Variants in MB21D2 observed in about 807,000 individuals in gnomAD.
The protein encoded by MB21D2 is nucleotidyltransferase MB21D2.
A neutral mutation model predicts 33.3 loss-of-function variants in MB21D2; 9 were observed. That is an observed-to-expected ratio of 0.27 (90% CI 0.16 to 0.47). The LOEUF is 0.47. MB21D2 is among the 20% of genes least tolerant of loss of function. MB21D2 has a pLI of 0.99. For synonymous variants in MB21D2, 241 were observed against 236.3 expected (o/e 1.02, Z -0.18); for missense variants, 540 against 624.6 (o/e 0.86, Z 1.44).
chr3:192,838,618 T>C (rs148170532), intron 1 of MB21D2, among the ~76,000 whole-genome samples: 3,692 of 152,036 alleles, frequency 0.024, 84 homozygotes, highest in African/African-American at 0.046. Context: ...TTAATAGAGA[T>C]GGGGTTTCAC....
At chr3:192,876,544 G>C (rs1361015940) in intron 1 of MB21D2, among the ~76,000 whole-genome samples, 1 of 152,104 alleles carries the variant, frequency 6.6e-6, no homozygotes, top group Non-Finnish European at 1.5e-5. Context: ...ACAGTGGTTG[G>C]TCTTCCAAAA....
chr3:192,804,262 C>A (rs897216842), intron 1 of MB21D2, among the ~76,000 whole-genome samples: 2 of 152,068 alleles, frequency 1.3e-5, no homozygotes, highest in Non-Finnish European at 2.9e-5. Flanking sequence ...CTTCATCATG[C>A]AAACATATAA....
At chr3:192,884,703 A>G (rs765855807) in intron 1 of MB21D2, among the ~76,000 whole-genome samples, 7 of 152,022 alleles carry the variant, frequency 4.6e-5, no homozygotes, top group Non-Finnish European at 1.0e-4. Flanking sequence ...ATCAAAGTCA[A>G]ACAGAAAATC....
intron 1 of MB21D2, among the ~76,000 whole-genome samples, chr3:192,832,596 C>T (rs1712340764): frequency 6.6e-6 from 1 of 152,178 alleles, no homozygotes; most frequent in South Asian, 2.1e-4. Flanking sequence ...TTGAGACCAG[C>T]CTGGCCAACA....
chr3:192,799,225 C>T lies in MB21D2; in HGVS notation c.637G>A (p.Val213Met), dbSNP rs774969398. Residue 213 changes from valine to methionine, a missense_variant, in exon 2 of 2, where the codon GTG becomes ATG. Physicochemically the swap from Val to Met is conservative, Grantham distance 21 (BLOSUM62 1). Coordinates refer to ENST00000392452, the MANE Select transcript of MB21D2 (RefSeq NM_178496.4). This position sits in a 1 kb window ranked among gnomAD's most constrained non-coding sequence, Gnocchi z 4.1. ...PQRGMPKVEK[V>M]EKNGTIISII... ...GAGATGATGGTCCCATTTTTTTCCA[C>T]CTTTTCTACCTTTGGCATCCCTCGC... is the stretch of plus-strand genomic sequence containing the variant. 65 of 1,614,062 alleles carry T rather than the reference C, an allele frequency of 4.0e-5. No individual in the cohort carries two copies. The highest frequency in any genetic ancestry group is 5.3e-5 in the Non-Finnish European group (63 of 1,180,032).
At chr3:192,891,694 C>A (rs1386514131) in intron 1 of MB21D2, among the ~76,000 whole-genome samples, 1 of 152,084 alleles carries the variant, frequency 6.6e-6, no homozygotes, top group Non-Finnish European at 1.5e-5. Flanking sequence ...TTAAATGGGT[C>A]TTCCACACCA....
rs193074130 is a variant in MB21D2 at position 192,856,362 on chromosome 3, T to G, written c.212-56712A>C. Among the ~76,000 whole-genome samples, 78 of 152,282 alleles carry G rather than the reference T, an allele frequency of 5.1e-4. No individual in the cohort carries two copies. In the Middle Eastern group the frequency reaches 0.017, roughly 33 times the overall value. On this transcript the variant is annotated intron_variant, in intron 1 of 1. Transcript: ENST00000392452. ...TCACTTCACTACTCTAAATCTCAGTTTTCCCATGAGTTAAATGAGAATCAC... is the reference window on the plus strand; with the variant it reads ...TCACTTCACTACTCTAAATCTCAGTGTTCCCATGAGTTAAATGAGAATCAC...
chr3:192,849,305 G>A lies in MB21D2; in HGVS notation c.212-49655C>T, dbSNP rs566718185. 2.5e-4 allele frequency among the ~76,000 whole-genome samples: 24 copies of A among 96,544 alleles called. No homozygotes were observed. The South Asian group carries it at 6.0e-3, about 24-fold the overall frequency. The allele number at this position is 96,544 out of a possible 152,430, so 63.3% of individuals were successfully genotyped here. On this transcript the variant is annotated intron_variant, in intron 1 of 1. Coordinates refer to ENST00000392452, the MANE Select transcript of MB21D2 (RefSeq NM_178496.4). ...CCATCTTCAAGTGCAAGTTTTTCAC[G>A]TCTCTTTTTTTGGGGGGGGGGCGGG... is the stretch of plus-strand genomic sequence containing the variant.
At chr3:192,830,836 T>A (rs1370601760) in intron 1 of MB21D2, among the ~76,000 whole-genome samples, 6 of 152,210 alleles carry the variant, frequency 3.9e-5, no homozygotes, top group Non-Finnish European at 7.3e-5. Flanking sequence ...ATCCAGTGGA[T>A]CTGTAGGCAT....
At chr3:192,816,199 A>G (rs1295163168) in intron 1 of MB21D2, among the ~76,000 whole-genome samples, 2 of 146,250 alleles carry the variant, frequency 1.4e-5, no homozygotes, top group East Asian at 4.0e-4. Context: ...AGTGGCAAAA[A>G]GACGAGAGGA....
chr3:192,883,405 T>C (rs561181698), intron 1 of MB21D2, among the ~76,000 whole-genome samples: 44 of 152,202 alleles, frequency 2.9e-4, no homozygotes, highest in East Asian at 7.7e-4. Flanking sequence ...GTTTGTAGCA[T>C]AGCATGAGAG....
At chr3:192,874,644 C>T (rs1371502656) in intron 1 of MB21D2, among the ~76,000 whole-genome samples, 3 of 152,102 alleles carry the variant, frequency 2.0e-5, no homozygotes, top group Non-Finnish European at 4.4e-5. Context: ...CCTTCATATT[C>T]GCTTCCTCCC....
chr3:192,892,140 A>G (rs1178369274), intron 1 of MB21D2, among the ~76,000 whole-genome samples: 1 of 151,276 alleles, frequency 6.6e-6, no homozygotes, highest in Non-Finnish European at 1.5e-5. Context: ...TGGCACTGGC[A>G]GCTCCTTTGG....
intron 1 of MB21D2, among the ~76,000 whole-genome samples, chr3:192,832,492 A>C: frequency 6.6e-6 from 1 of 152,192 alleles, no homozygotes; most frequent in East Asian, 1.9e-4. Context: ...CATAATAAGG[A>C]TATGAAAGAG....
chr3:192,897,625 C>T (rs1050016699), intron 1 of MB21D2, among the ~76,000 whole-genome samples: 1 of 152,108 alleles, frequency 6.6e-6, no homozygotes, highest in Non-Finnish European at 1.5e-5. Flanking sequence ...GCATGTTGGT[C>T]AGATCAAACA....
rs1009372958 is a variant in MB21D2, at chr3:192,914,167, C to T, written c.211+3463G>A. Among the ~76,000 whole-genome samples the T allele has an allele frequency of 5.3e-5, 8 of 152,236 alleles. 1 individual carries two copies. The South Asian group carries it at 1.2e-3, about 24-fold the overall frequency. On this transcript the variant is annotated intron_variant, in intron 1 of 1. Transcript: ENST00000392452. The stretch of plus-strand genomic sequence containing the variant: ...AGGCTGACCTGAGTTTCAGTAGCAT[C>T]TCTACCATCTATTAGCTTTGTGACC...
intron 1 of MB21D2, among the ~76,000 whole-genome samples, chr3:192,866,951 G>A (rs1420840878): frequency 6.6e-6 from 1 of 152,158 alleles, no homozygotes; most frequent in African/African-American, 2.4e-5. Context: ...CTTCCTCCCA[G>A]AAGGGAGAAG....
At chr3:192,881,466 G>C (rs1251983532) in intron 1 of MB21D2, among the ~76,000 whole-genome samples, 3 of 151,994 alleles carry the variant, frequency 2.0e-5, no homozygotes, top group Non-Finnish European at 4.4e-5. Flanking sequence ...CATTATTTTT[G>C]GTAATGAGAA....
chr3:192,815,442 T>C (rs1711900020), intron 1 of MB21D2, among the ~76,000 whole-genome samples: 1 of 152,204 alleles, frequency 6.6e-6, no homozygotes, highest in South Asian at 2.1e-4. Context: ...AAGCATAATC[T>C]CCAAGGAGAC....
Sources: gnomAD v4.1 joint callset for allele counts (sites outside exome capture counted in the v4.1 genomes callset) on GRCh38, gnomAD v4.1.1 for gene constraint, Gnocchi (gnomAD v3.1) non-coding constraint, MANE v1.5 for transcripts, NCBI Gene and HGNC (gene_info 2026-07-23, HGNC 2026-07-21) for gene names.